The following PDE4B variants were observed in gnomAD, a reference collection of about 807,000 sequenced individuals.
PDE4B encodes 3',5'-cyclic-AMP phosphodiesterase 4B.
A neutral mutation model predicts 82.2 loss-of-function variants in PDE4B; 20 were observed. The observed-to-expected ratio is 0.24, with a 90% confidence interval of 0.17 to 0.35. The LOEUF is 0.35. Ranked by LOEUF, PDE4B falls within the 10% of genes least tolerant of loss-of-function variation. The pLI is 1.00. For missense variants in PDE4B, 655 were observed against 907.2 expected, an observed-to-expected ratio of 0.72 and a Z score of 3.57; for synonymous variants, 320 against 318.9, an observed-to-expected ratio of 1.00 and a Z score of -0.04.
intron 1 of PDE4B, among the ~76,000 whole-genome samples, chr1:65,822,557 T>C (rs1645965132): frequency 6.6e-6 from 1 of 152,174 alleles, no homozygotes; most frequent in Admixed American, 6.5e-5. Flanking sequence ...TGTTAGAACT[T>C]AAACCCCAAA....
intron 3 of PDE4B, among the ~76,000 whole-genome samples, chr1:66,062,053 G>A (rs1401993749): frequency 1.3e-5 from 2 of 152,094 alleles, no homozygotes; most frequent in East Asian, 1.9e-4. Context: ...TGTTTTAGGA[G>A]CAAGGATAAG....
At chr1:66,019,916 ACAT>A (rs1009932588) in intron 3 of PDE4B, among the ~76,000 whole-genome samples, 33 of 152,332 alleles carry the variant, frequency 2.2e-4, no homozygotes, top group African/African-American at 7.9e-4. Context: ...TCATTTGTAG[ACAT>A]CATTCAAGCC....
At chr1:66,300,619 C>T (rs1406384499) in intron 7 of PDE4B, among the ~76,000 whole-genome samples, 1 of 152,182 alleles carries the variant, frequency 6.6e-6, no homozygotes, top group East Asian at 1.9e-4. Context: ...CTTATTCATA[C>T]ATTCATCTAA....
intron 1 of PDE4B, among the ~76,000 whole-genome samples, chr1:65,851,235 G>C (rs1289335388): frequency 6.6e-6 from 1 of 152,014 alleles, no homozygotes; most frequent in Non-Finnish European, 1.5e-5. Context: ...GGTAAAATTT[G>C]CCATCCAACA....
intron 3 of PDE4B, among the ~76,000 whole-genome samples, chr1:66,006,948 G>A (rs988850900): frequency 2.0e-5 from 3 of 151,854 alleles, no homozygotes; most frequent in African/African-American, 7.3e-5. Flanking sequence ...AATACAGTGA[G>A]ACTCCCATCT....
At chr1:66,091,049 C>G (rs1437020149) in intron 3 of PDE4B, among the ~76,000 whole-genome samples, 1 of 151,952 alleles carries the variant, frequency 6.6e-6, no homozygotes, top group African/African-American at 2.4e-5. Context: ...TCACAGTGCC[C>G]TTGACAGCAC....
At chr1:66,149,850 C>A (rs775205578) in intron 3 of PDE4B, among the ~76,000 whole-genome samples, 1 of 151,984 alleles carries the variant, frequency 6.6e-6, no homozygotes, top group Non-Finnish European at 1.5e-5. Flanking sequence ...AATACCCTGT[C>A]TCAAAAAATA....
intron 3 of PDE4B, among the ~76,000 whole-genome samples, chr1:66,215,086 G>T (rs192519808): frequency 6.6e-6 from 1 of 152,126 alleles, no homozygotes; most frequent in Non-Finnish European, 1.5e-5. Flanking sequence ...ATGAGGTAAT[G>T]GGGTGTTTTG....
intron 1 of PDE4B, among the ~76,000 whole-genome samples, chr1:65,813,164 T>A (rs537081034): frequency 6.6e-6 from 1 of 152,208 alleles, no homozygotes; most frequent in Non-Finnish European, 1.5e-5. Flanking sequence ...TTTAAATTCA[T>A]ACAGAAAATA....
chr1:66,056,466 TATCTATCTATCTATCTATC>T (rs1176265263), intron 3 of PDE4B, among the ~76,000 whole-genome samples: 1 of 51,402 alleles, frequency 1.9e-5, no homozygotes, highest in Non-Finnish European at 5.6e-5. Flanking sequence ...GGAAATTTTA[TATCTATCTATCTATCTATC>T]ATCTATCTAT....
intron 1 of PDE4B, among the ~76,000 whole-genome samples, chr1:65,862,824 T>C (rs531367723): frequency 6.6e-6 from 1 of 152,356 alleles, no homozygotes; most frequent in South Asian, 2.1e-4. Flanking sequence ...CTAGATTTTC[T>C]AGTTTATTTG....
At chr1:65,966,170 T>C (rs1487106921) in intron 3 of PDE4B, among the ~76,000 whole-genome samples, 1 of 152,134 alleles carries the variant, frequency 6.6e-6, no homozygotes, top group Non-Finnish European at 1.5e-5. Context: ...GGCCAAAATC[T>C]CCTTAAGCTG....
chr1:66,027,268 G>A (rs1653495980), intron 3 of PDE4B, among the ~76,000 whole-genome samples: 1 of 152,130 alleles, frequency 6.6e-6, no homozygotes. Context: ...AAATGAGGAA[G>A]AAGCAAAAGC....
At chr1:66,202,847 A>T (rs1649129184) in intron 3 of PDE4B, among the ~76,000 whole-genome samples, 1 of 151,892 alleles carries the variant, frequency 6.6e-6, no homozygotes, top group Non-Finnish European at 1.5e-5. Context: ...GCCCATTTAC[A>T]TTTAAAGTTA....
chr1:65,924,243 T>A (rs917346189), intron 3 of PDE4B, among the ~76,000 whole-genome samples: 9 of 145,360 alleles, frequency 6.2e-5, no homozygotes, highest in Non-Finnish European at 1.4e-4. Flanking sequence ...CCCGGCTAAT[T>A]TTTTGTATTT....
At chr1:66,044,660 A>C (rs1172676340) in intron 3 of PDE4B, among the ~76,000 whole-genome samples, 1 of 151,810 alleles carries the variant, frequency 6.6e-6, no homozygotes, top group Non-Finnish European at 1.5e-5. Flanking sequence ...GCAAGTTTGT[A>C]TTATATTTCT....
chr1:66,372,784 A>C lies in PDE4B; in HGVS notation c.*106A>C, dbSNP rs2050831987. ...CCAAGACCTGCACAGGACAAGGGCC[A>C]CCTGGCCTTTCAGTTACTTGAGTTT... On this transcript the variant is annotated 3_prime_UTR_variant, in exon 17 of 17. Transcript: ENST00000341517. 1 of 1,163,632 alleles carries C rather than the reference A, an allele frequency of 8.6e-7. No homozygotes were observed. The highest frequency in any genetic ancestry group is 1.5e-5 in the African/African-American group (1 of 64,758). 72.1% of individuals were successfully genotyped at this position (1,163,632 alleles called of 1,614,324 possible).
intron 7 of PDE4B, among the ~76,000 whole-genome samples, chr1:66,291,961 A>T (rs1657119835): frequency 6.6e-6 from 1 of 152,104 alleles, no homozygotes; most frequent in East Asian, 1.9e-4. Flanking sequence ...TGAGGGATAT[A>T]TGGATTTGCA....
chr1:66,354,058 A>G (rs1487336661), intron 8 of PDE4B, among the ~76,000 whole-genome samples: 2 of 152,240 alleles, frequency 1.3e-5, no homozygotes, highest in East Asian at 3.8e-4. Flanking sequence ...TACTATGAAA[A>G]GAGGCTAAAT....
Sources: gnomAD v4.1 joint callset for allele counts (sites outside exome capture counted in the v4.1 genomes callset) on GRCh38, gnomAD v4.1.1 for gene constraint, MANE v1.5 for transcripts, NCBI Gene and HGNC (gene_info 2026-07-23, HGNC 2026-07-21) for gene names.